SNX7: variants seen among roughly 807,000 people sequenced by gnomAD.
The protein encoded by SNX7 is sorting nexin-7.
In SNX7, 35 loss-of-function variants were observed where a neutral mutation model predicts 48.4. The ratio of observed to expected loss-of-function variants is 0.72; its 90% confidence interval spans 0.55 to 0.96. The LOEUF (loss-of-function observed/expected upper bound fraction) is 0.96, where lower values mean the gene tolerates loss of function less well. Ranked by LOEUF, SNX7 falls within the 40% of genes least tolerant of loss-of-function variation. The pLI is 0.00. For synonymous variants in SNX7, 190 were observed against 190.2 expected, an observed-to-expected ratio of 1.00 and a Z score of 0.01; for missense variants, 553 against 548.9, an observed-to-expected ratio of 1.01 and a Z score of -0.07.
chr1:98,691,548 A>T lies in SNX7; in HGVS notation c.488A>T (p.Lys163Met). The part of the protein sequence containing the change: ...PTLIIPPLPE[K>M]FIVKGMVERF... ...TTTTTGCCTTAGCCATTGCCAGAAA[A>T]GTTTATAGTAAAAGGAATGGTGGAA... The change falls in exon 4 of 9, where the codon AAG (lysine) becomes ATG (methionine). Residue 163 changes from lysine to methionine, a missense_variant. Transcript: ENST00000306121. 1 of 1,579,828 alleles carries T rather than the reference A, an allele frequency of 6.3e-7. No individual in the cohort carries two copies.
chr1:98,696,244 C>G (rs1276640389), intron 5 of SNX7, among the ~76,000 whole-genome samples: 1 of 150,688 alleles, frequency 6.6e-6, no homozygotes, highest in African/African-American at 2.4e-5. Flanking sequence ...ATTTTTTCCC[C>G]TAATTTTCTA....
chr1:98,730,484 C>G (rs528210618), intron 7 of SNX7, among the ~76,000 whole-genome samples: 1 of 151,938 alleles, frequency 6.6e-6, no homozygotes, highest in Non-Finnish European at 1.5e-5. Context: ...CCAGATGACA[C>G]GAGCCTATAT....
intron 7 of SNX7, among the ~76,000 whole-genome samples, chr1:98,735,467 A>C (rs1232515664): frequency 6.6e-6 from 1 of 152,170 alleles, no homozygotes; most frequent in African/African-American, 2.4e-5. Context: ...TTGATCATAC[A>C]TATTTAAGGC....
chr1:98,701,741 A>G, intron 6 of SNX7, 76 bp from the exon 7 acceptor site: 1 of 913,370 alleles, frequency 1.1e-6, no homozygotes, highest in Non-Finnish European at 1.6e-6. Flanking sequence ...TTATATTCTG[A>G]AATATATATT....
At chr1:98,699,013 G>A in intron 6 of SNX7, 108 bp downstream of exon 6, 1 of 1,023,256 alleles carries the variant, frequency 9.8e-7, no homozygotes, top group Non-Finnish European at 1.4e-6. Context: ...TGTCCTAGCA[G>A]GTTGTTTTGC....
chr1:98,673,421 C>A (rs1570490413), intron 1 of SNX7, among the ~76,000 whole-genome samples: 1 of 152,186 alleles, frequency 6.6e-6, no homozygotes, highest in East Asian at 1.9e-4. Context: ...TCCCTGCAGC[C>A]CCTTTATTCA....
chr1:98,745,169 G>A (rs1654252965), intron 8 of SNX7, among the ~76,000 whole-genome samples: 1 of 152,002 alleles, frequency 6.6e-6, no homozygotes, highest in South Asian at 2.1e-4. Flanking sequence ...GAAATGGCAG[G>A]TAGTGTTTGA....
intron 4 of SNX7, among the ~76,000 whole-genome samples, chr1:98,694,596 A>AATTTT (rs1651343596): frequency 3.8e-5 from 2 of 53,200 alleles, no homozygotes; most frequent in African/African-American, 1.7e-4. Context: ...TTGCTCTGGG[A>AATTTT]TTTTTTTTTT....
chr1:98,674,592 G>A (rs990094461), intron 1 of SNX7, among the ~76,000 whole-genome samples: 2 of 152,108 alleles, frequency 1.3e-5, no homozygotes, highest in Non-Finnish European at 2.9e-5. Context: ...CACACTCCAC[G>A]GTACTGGGGA....
At chr1:98,738,166 T>A in intron 7 of SNX7, 71 bp from the exon 8 acceptor site, 1 of 1,525,926 alleles carries the variant, frequency 6.6e-7, no homozygotes, top group East Asian at 2.3e-5. Context: ...TTTGTTCAAC[T>A]TAAATTTGAT....
At chr1:98,667,456 A>G (rs1243711317) in intron 1 of SNX7, among the ~76,000 whole-genome samples, 2 of 151,716 alleles carry the variant, frequency 1.3e-5, no homozygotes, top group African/African-American at 4.8e-5. Flanking sequence ...GCTCACTGCA[A>G]CCTCCACCTC....
intron 1 of SNX7, among the ~76,000 whole-genome samples, chr1:98,671,107 T>A (rs1294739678): frequency 6.6e-6 from 1 of 152,218 alleles, no homozygotes; most frequent in African/African-American, 2.4e-5. Context: ...GAAACACAGA[T>A]TCAATAGCTA....
chr1:98,742,162 C>A (rs1202948095), intron 8 of SNX7, among the ~76,000 whole-genome samples: 1 of 152,056 alleles, frequency 6.6e-6, no homozygotes, highest in Non-Finnish European at 1.5e-5. Flanking sequence ...CATTTAATGT[C>A]TTTGCTTTCT....
intron 1 of SNX7, chr1:98,662,686 C>T: frequency 1.6e-6 from 2 of 1,289,036 alleles, no homozygotes; most frequent in Non-Finnish European, 2.0e-6. Context: ...AGAAAAATAC[C>T]TTTCTTGCAG....
intron 7 of SNX7, among the ~76,000 whole-genome samples, chr1:98,727,906 A>T (rs537465097): frequency 6.6e-6 from 1 of 152,162 alleles, no homozygotes; most frequent in South Asian, 2.1e-4. Flanking sequence ...TAAACCTATG[A>T]CTGTTTGTGG....
intron 8 of SNX7, among the ~76,000 whole-genome samples, chr1:98,753,190 TTGTTAA>T (rs1400032968): frequency 1.3e-5 from 2 of 152,052 alleles, no homozygotes; most frequent in Admixed American, 1.3e-4. Context: ...TATATGGCAG[TTGTTAA>T]TGTTATTTCT....
chr1:98,691,750 A>G (rs764589219), intron 4 of SNX7, 51 bp downstream of exon 4: 1 of 1,391,988 alleles, frequency 7.2e-7, no homozygotes, highest in East Asian at 2.5e-5. Flanking sequence ...CTGTATCTAT[A>G]GTAGATTGTA....
chr1:98,752,222 G>GAAACAATATA (rs1198460831), intron 8 of SNX7, among the ~76,000 whole-genome samples: 7 of 151,882 alleles, frequency 4.6e-5, no homozygotes, highest in Non-Finnish European at 8.8e-5. Flanking sequence ...TAACTATATG[G>GAAACAATATA]TATAAACAAT....
intron 7 of SNX7, among the ~76,000 whole-genome samples, chr1:98,729,213 G>A (rs948285967): frequency 4.6e-5 from 7 of 152,230 alleles, no homozygotes; most frequent in Non-Finnish European, 1.0e-4. Flanking sequence ...ATGAAATTAA[G>A]TCAGAAATCA....
Sources: gnomAD v4.1 joint callset for allele counts (sites outside exome capture counted in the v4.1 genomes callset) on GRCh38, gnomAD v4.1.1 for gene constraint, MANE v1.5 for transcripts, NCBI Gene and HGNC (gene_info 2026-07-23, HGNC 2026-07-21) for gene names.